The following TBX10 variants were observed in gnomAD, a reference collection of about 807,000 sequenced individuals.
TBX10 encodes T-box transcription factor 10, also known as T-box transcription factor TBX10.
In TBX10, 26 loss-of-function variants were observed where a neutral mutation model predicts 32.4. The ratio of observed to expected loss-of-function variants is 0.80; its 90% CI spans 0.59 to 1.11. TBX10 has a LOEUF of 1.11. TBX10 is among the 50% of genes most tolerant of loss of function. The probability of loss-of-function intolerance (pLI) is 0.00; values close to 1 mark genes in which losing one functional copy is unlikely to be tolerated. For synonymous variants in TBX10, 195 were observed against 203.1 expected (o/e 0.96, Z 0.34); for missense variants, 490 against 494.5 (o/e 0.99, Z 0.09).
In TBX10 at chr11:67,631,582, G is replaced by A. The variant is rs1591122248; in HGVS notation, c.*23C>T. The A allele has an allele frequency of 1.3e-6, 2 of 1,580,818 alleles. No individual in the cohort carries two copies. Among genetic ancestry groups the A allele is most frequent in the Admixed American group, 1.8e-5 (1 of 56,620 alleles). ...CCGGTGTAAGGTCCAGGGTAGCAGG[G>A]CTTCCCCCCAGGGCTTCTGGCATCA... On this transcript the variant is annotated 3_prime_UTR_variant, in exon 8 of 8. Coordinates refer to ENST00000335385, the MANE Select transcript of TBX10 (RefSeq NM_005995.5).
chr11:67,635,741 G>T (rs1006030591), intron 1 of TBX10, among the ~76,000 whole-genome samples: 1 of 152,088 alleles, frequency 6.6e-6, no homozygotes, highest in East Asian at 1.9e-4. Flanking sequence ...CCTGCCTCCC[G>T]GTGCTGCTGA....
upstream of TBX10, among the ~76,000 whole-genome samples, chr11:67,641,478 C>T (rs968979033): frequency 1.3e-5 from 2 of 152,202 alleles, no homozygotes; most frequent in South Asian, 4.1e-4. Flanking sequence ...GCCCTGCCTG[C>T]CCGAGGCGCC....
chr11:67,631,984 C>T lies in TBX10; in HGVS notation c.869-90G>A, dbSNP rs1322665738. The T allele has an allele frequency of 3.3e-6, 5 of 1,505,588 alleles. No individual in the cohort carries two copies. In the African/African-American group the frequency reaches 5.6e-5, roughly 17 times the overall value. 93.3% of individuals were successfully genotyped at this position (1,505,588 alleles called of 1,614,324 possible). A position where few individuals can be genotyped will look rare whatever the true frequency, so the allele number is the denominator to read the frequency against. On this transcript the variant is annotated intron_variant, in intron 7 of 7. Coordinates refer to ENST00000335385, the MANE Select transcript of TBX10 (RefSeq NM_005995.5). The stretch of plus-strand genomic sequence containing the variant: ...CCCTGGTCCCTTCCTGCTCCTCCTT[C>T]CCAAGTTACCTACCTCTCAGCCTTC...
At chr11:67,633,408 C>T (rs1029102031) in intron 4 of TBX10, among the ~76,000 whole-genome samples, 6 of 152,174 alleles carry the variant, frequency 3.9e-5, no homozygotes, top group African/African-American at 9.7e-5. Context: ...CCCCTGTCCC[C>T]GCCTTACCCC....
At chr11:67,640,146 C>T (rs1017134897), upstream of TBX10, among the ~76,000 whole-genome samples, 3 of 149,146 alleles carry the variant, frequency 2.0e-5, no homozygotes, top group Non-Finnish European at 4.4e-5. Flanking sequence ...GAGCAGGAAA[C>T]GCAAGGGGGC....
intron 1 of TBX10, 73 bp downstream of exon 1, chr11:67,639,393 T>TTGCCCCCCCCCCCCCCCCCCCCCCCCC: frequency 1.4e-6 from 1 of 726,924 alleles, no homozygotes. Flanking sequence ...CTGTCTTGGT[T>TTGCCCCCCCCCCCCCCCCCCCCCCCCC]CCCACCCTGC....
chr11:67,633,148 A>C, intron 4 of TBX10, 45 bp from the exon 5 acceptor site: 1 of 1,594,634 alleles, frequency 6.3e-7, no homozygotes, highest in Non-Finnish European at 8.6e-7. Context: ...GGCGGAGTAC[A>C]GCGGACTCCC....
chr11:67,635,307 C>G, intron 1 of TBX10, 44 bp from the exon 2 acceptor site: 2 of 1,611,418 alleles, frequency 1.2e-6, no homozygotes, highest in Non-Finnish European at 1.7e-6. Flanking sequence ...CATCACCCAG[C>G]CAGCTCTTAT....
chr11:67,636,720 A>G (rs974095070), intron 1 of TBX10, among the ~76,000 whole-genome samples: 1 of 150,994 alleles, frequency 6.6e-6, no homozygotes, highest in African/African-American at 2.4e-5. Context: ...CTTGTCTCGA[A>G]CTCCTGACCT....
chr11:67,634,040 C>A, intron 4 of TBX10, 149 bp downstream of exon 4: 1 of 1,090,572 alleles, frequency 9.2e-7, no homozygotes, highest in Non-Finnish European at 1.4e-6. Flanking sequence ...GTGCCACCCC[C>A]AGCCAGGTGA....
chr11:67,635,835 A>G (rs1855320469), intron 1 of TBX10, among the ~76,000 whole-genome samples: 1 of 152,158 alleles, frequency 6.6e-6, no homozygotes, highest in Non-Finnish European at 1.5e-5. Context: ...GCCTGCCTCC[A>G]GAAACCCATC....
rs1474316798 is a variant in TBX10 at position 67,634,748 on chromosome 11, C to T, written c.377+68G>A. On this transcript the variant is annotated intron_variant, in intron 3 of 7. Transcript: ENST00000335385. The stretch of plus-strand genomic sequence containing the variant: ...CAGGCCCCTGCCTCACCTTGGGGTG[C>T]AGGAAGGGTCTAATTCCTGGTCTCA... The T allele has an allele frequency of 2.7e-6, 4 of 1,507,944 alleles. No homozygotes were observed. The African/African-American group carries it at 5.5e-5, about 21-fold the overall frequency. 93.4% of individuals were successfully genotyped at this position (1,507,944 alleles called of 1,614,324 possible). A position where few individuals can be genotyped will look rare whatever the true frequency, so the allele number is the denominator to read the frequency against.
chr11:67,631,955 C>T, intron 7 of TBX10, 61 bp from the exon 8 acceptor site: 1 of 1,546,652 alleles, frequency 6.5e-7, no homozygotes, highest in South Asian at 1.2e-5. Context: ...TCATCCCAGG[C>T]CTGCCCTGGT....
chr11:67,635,429 T>G (rs943194705), intron 1 of TBX10, among the ~76,000 whole-genome samples, 166 bp from the exon 2 acceptor site: 1 of 152,236 alleles, frequency 6.6e-6, no homozygotes, highest in African/African-American at 2.4e-5. Flanking sequence ...AAATGCTCAC[T>G]TAAAGTTTAT....
chr11:67,634,074 C>T, intron 4 of TBX10, 115 bp downstream of exon 4: 5 of 1,507,014 alleles, frequency 3.3e-6, no homozygotes, highest in Non-Finnish European at 4.5e-6. Flanking sequence ...GCTCCCCGCC[C>T]TGCCTTGACC....
At chr11:67,632,091 C>T (rs556526450) in intron 7 of TBX10, among the ~76,000 whole-genome samples, 197 bp from the exon 8 acceptor site, 2 of 152,220 alleles carry the variant, frequency 1.3e-5, no homozygotes, top group Non-Finnish European at 2.9e-5. Context: ...CAAGGCCCAG[C>T]TTGAGAGCCA....
Position 67,633,004 on chromosome 11 carries a change from A to C in TBX10, c.649T>G (p.Ser217Ala). ...SERYAQENFK[S>A]FIFTETQFTA... is the part of the protein sequence containing the mutation. ...AACTGGGTCTCTGTGAAGATGAAGG[A>C]CTTGAAGTTCTCCTGGGCATAGCGC... The change falls in exon 5 of 8, where the codon TCC becomes GCC. Residue 217 changes from serine to alanine, a missense_variant. Physicochemically the swap from Ser to Ala is moderately conservative, Grantham distance 99 (BLOSUM62 1). Coordinates refer to ENST00000335385, the MANE Select transcript of TBX10 (RefSeq NM_005995.5). 1 of 1,614,194 alleles carries C rather than the reference A, an allele frequency of 6.2e-7. No homozygotes were observed. Among genetic ancestry groups the C allele is most frequent in the Non-Finnish European group, 8.5e-7 (1 of 1,180,014 alleles).
At chr11:67,641,687 C>T (rs1168596608), upstream of TBX10, among the ~76,000 whole-genome samples, 3 of 152,320 alleles carry the variant, frequency 2.0e-5, no homozygotes, top group South Asian at 2.1e-4. Context: ...TCCAGCAGCC[C>T]CAGATGTCCA....
upstream of TBX10, among the ~76,000 whole-genome samples, chr11:67,640,827 G>A (rs1855394498): frequency 2.0e-5 from 3 of 152,252 alleles, no homozygotes; most frequent in Admixed American, 2.0e-4. Flanking sequence ...TATGTTCTGG[G>A]CGCAGCTGCA....
Sources: allele counts gnomAD v4.1 joint callset (sites outside exome capture counted in the v4.1 genomes callset), GRCh38; gene constraint gnomAD v4.1.1; transcripts MANE v1.5; gene names NCBI Gene and HGNC (gene_info 2026-07-23, HGNC 2026-07-21).